Variants in MAGI2 observed in about 807,000 individuals in gnomAD.
MAGI2 encodes membrane associated guanylate kinase, WW and PDZ domain containing 2.
Under a neutral mutation model 133.3 loss-of-function variants are expected in MAGI2, and 35 were observed. That is an observed-to-expected ratio of 0.26 (90% CI 0.20 to 0.35). MAGI2 has a LOEUF of 0.35. Among genes scored for constraint, MAGI2 ranks in the 10% least tolerant of loss-of-function variants. MAGI2 has a pLI of 1.00. For missense variants in MAGI2, 1,636 were observed against 1,863.4 expected, an observed-to-expected ratio of 0.88 and a Z score of 2.25; for synonymous variants, 729 against 710.6, an observed-to-expected ratio of 1.03 and a Z score of -0.41.
chr7:79,067,634 A>G (rs1190729206), intron 1 of MAGI2, among the ~76,000 whole-genome samples: 1 of 152,172 alleles, frequency 6.6e-6, no homozygotes, highest in Non-Finnish European at 1.5e-5. Context: ...AGAACTTCCA[A>G]TACTATGTTG....
chr7:79,196,986 G>T (rs1585176893), intron 1 of MAGI2, among the ~76,000 whole-genome samples: 2 of 151,844 alleles, frequency 1.3e-5, no homozygotes, highest in East Asian at 1.9e-4. Flanking sequence ...TTGCCATGTT[G>T]CTCTAGCTAG....
chr7:79,158,115 T>C (rs1348438476), intron 1 of MAGI2, among the ~76,000 whole-genome samples: 1 of 152,062 alleles, frequency 6.6e-6, no homozygotes, highest in Non-Finnish European at 1.5e-5. Flanking sequence ...TCACCTGAGG[T>C]AGTTTCCTTT....
At chr7:78,263,012 T>TC (rs1793661184) in intron 9 of MAGI2, among the ~76,000 whole-genome samples, 1 of 152,168 alleles carries the variant, frequency 6.6e-6, no homozygotes, top group South Asian at 2.1e-4. Context: ...CCAGTGTCTA[T>TC]CGTTGCCATC....
chr7:78,361,376 G>C (rs368964990), intron 7 of MAGI2, among the ~76,000 whole-genome samples: 78 of 138,200 alleles, frequency 5.6e-4, no homozygotes, highest in African/African-American at 1.9e-3. Flanking sequence ...CTGGGCGACA[G>C]AGTGAGACTC....
At chr7:79,142,664 G>A (rs1264061287) in intron 1 of MAGI2, among the ~76,000 whole-genome samples, 3 of 152,120 alleles carry the variant, frequency 2.0e-5, no homozygotes, top group Non-Finnish European at 4.4e-5. Context: ...GCATTTACCA[G>A]AACATAAAAT....
chr7:79,222,707 A>C (rs1830529329), intron 1 of MAGI2, among the ~76,000 whole-genome samples: 2 of 152,040 alleles, frequency 1.3e-5, no homozygotes, highest in African/African-American at 4.8e-5. Flanking sequence ...CAGCCCTTTA[A>C]ATATTCCAAA....
At chr7:78,780,166 A>G (rs2151337997) in intron 2 of MAGI2, among the ~76,000 whole-genome samples, 1 of 152,356 alleles carries the variant, frequency 6.6e-6, no homozygotes, top group East Asian at 1.9e-4. Context: ...TATGAAAAAC[A>G]AGCAAACACA....
chr7:78,708,621 G>T (rs1014336071), intron 2 of MAGI2, among the ~76,000 whole-genome samples: 12 of 152,056 alleles, frequency 7.9e-5, no homozygotes, highest in African/African-American at 2.9e-4. Flanking sequence ...TTTCAAAAAA[G>T]AAGTGTAATG....
intron 2 of MAGI2, among the ~76,000 whole-genome samples, chr7:78,736,643 T>C (rs1214063581): frequency 6.6e-6 from 1 of 152,144 alleles, no homozygotes; most frequent in East Asian, 1.9e-4. Flanking sequence ...TACTTTATTG[T>C]CCTCCCTTTT....
At chr7:79,101,723 CAAAAAA>C (rs376256842) in intron 1 of MAGI2, among the ~76,000 whole-genome samples, 3 of 112,754 alleles carry the variant, frequency 2.7e-5, no homozygotes, top group East Asian at 2.7e-4. Context: ...GACTCTGTCA[CAAAAAA>C]AAAAAAAAAA....
intron 1 of MAGI2, among the ~76,000 whole-genome samples, chr7:79,264,537 T>C (rs995347203): frequency 6.6e-6 from 1 of 152,158 alleles, no homozygotes. Context: ...CACATGTAAA[T>C]TTTACAACCC....
At chr7:78,500,280 T>C (rs1272721043) in intron 5 of MAGI2, among the ~76,000 whole-genome samples, 1 of 152,216 alleles carries the variant, frequency 6.6e-6, no homozygotes, top group Non-Finnish European at 1.5e-5. Flanking sequence ...CACTCCAGGT[T>C]GGAAAAGAAA....
At chr7:78,279,040 T>A (rs1307213958) in intron 9 of MAGI2, among the ~76,000 whole-genome samples, 1 of 152,164 alleles carries the variant, frequency 6.6e-6, no homozygotes, top group East Asian at 1.9e-4. Context: ...AGGGGATATG[T>A]GACAGGGGAT....
At chr7:78,104,264 C>A (rs572349527) in intron 20 of MAGI2, among the ~76,000 whole-genome samples, 1 of 152,222 alleles carries the variant, frequency 6.6e-6, no homozygotes, top group Non-Finnish European at 1.5e-5. Flanking sequence ...GCTCTGTCAC[C>A]CAGGCTGGAC....
intron 10 of MAGI2, among the ~76,000 whole-genome samples, chr7:78,247,879 G>C (rs1265289557): frequency 6.6e-6 from 1 of 152,142 alleles, no homozygotes; most frequent in African/African-American, 2.4e-5. Context: ...AAGTGACAAA[G>C]ATAGGGACAG....
chr7:78,681,617 G>A (rs1421283983), intron 2 of MAGI2, among the ~76,000 whole-genome samples: 1 of 152,068 alleles, frequency 6.6e-6, no homozygotes, highest in Non-Finnish European at 1.5e-5. Context: ...TGTAATATAT[G>A]CTGCCATATA....
chr7:78,676,688 A>G (rs554198646), intron 2 of MAGI2, among the ~76,000 whole-genome samples: 3 of 152,180 alleles, frequency 2.0e-5, no homozygotes, highest in South Asian at 2.1e-4. Context: ...TATTTTTATT[A>G]TTTTTAAAAA....
intron 3 of MAGI2, among the ~76,000 whole-genome samples, chr7:78,548,113 C>T (rs748746578): frequency 1.1e-4 from 17 of 152,180 alleles, no homozygotes; most frequent in Non-Finnish European, 2.1e-4. Context: ...GAGCCTTGAC[C>T]AACTATCTAG....
intron 2 of MAGI2, among the ~76,000 whole-genome samples, chr7:78,772,176 C>A (rs1279519643): frequency 1.3e-5 from 2 of 152,162 alleles, no homozygotes; most frequent in Non-Finnish European, 2.9e-5. Context: ...CCAGTGGAGA[C>A]CATCTCTTCT....
Sources: allele counts gnomAD v4.1 joint callset (sites outside exome capture counted in the v4.1 genomes callset), GRCh38; gene constraint gnomAD v4.1.1; transcripts MANE v1.5; gene names NCBI Gene and HGNC (gene_info 2026-07-23, HGNC 2026-07-21).